Variants in HNF1B observed in about 807,000 individuals in gnomAD.
HNF1B encodes the protein HNF1 homeobox B.
Under a neutral mutation model 61.7 loss-of-function variants are expected in HNF1B, and 8 were observed. That is an observed-to-expected ratio of 0.13 (90% CI 0.08 to 0.23). HNF1B has a LOEUF of 0.23. HNF1B is among the 10% of genes least tolerant of loss of function. The probability of loss-of-function intolerance (pLI) is 1.00; values close to 1 mark genes in which losing one functional copy is unlikely to be tolerated. For synonymous variants in HNF1B, 314 were observed against 287.7 expected, an observed-to-expected ratio of 1.09 and a Z score of -0.93; for missense variants, 562 against 714.5, an observed-to-expected ratio of 0.79 and a Z score of 2.43.
rs773961869 is a variant in HNF1B at position 37,733,644 on chromosome 17, G to A, written c.722C>T (p.Ala241Val). 8 of 1,613,984 alleles carry A rather than the reference G, an allele frequency of 5.0e-6. No homozygotes were observed. The highest frequency in any genetic ancestry group is 3.3e-5 in the Admixed American group (2 of 59,992). The change falls in exon 3 of 9, where the codon GCG becomes GTG. Residue 241 changes from alanine to valine, a missense_variant. Transcript: ENST00000617811. ...GGCCTGGTACAAGATTTGCTGGGAC[G>A]CGGGCCCCCATTTGAACCGGTTGCG... ...MRRNRFKWGP[A>V]SQQILYQAYD... is the part of the protein sequence containing the mutation.
Position 37,733,727 on chromosome 17 carries a change from G to A in HNF1B, c.639C>T (p.Ser213=), listed in dbSNP as rs1322081325. ...LFLFPEFSQQ[S]HGPGQSDDAC... is the part of the protein sequence containing the mutation. ...CATCATCGGACTGCCCAGGCCCATGGCTCTGTTGACTGAACTCTGGAAAGA... is the reference window on the plus strand; with the variant it reads ...CATCATCGGACTGCCCAGGCCCATGACTCTGTTGACTGAACTCTGGAAAGA... Residue 213 remains serine (S), a synonymous_variant, in exon 3 of 9, where the codon AGC becomes AGT. Coordinates refer to ENST00000617811, the MANE Select transcript of HNF1B (RefSeq NM_000458.4). 1 of 1,614,192 alleles carries A rather than the reference G, an allele frequency of 6.2e-7. No individual in the cohort carries two copies. The highest frequency in any genetic ancestry group is 1.7e-5 in the Admixed American group (1 of 60,024).
intron 3 of HNF1B, among the ~76,000 whole-genome samples, chr17:37,732,433 C>T (rs2033715530): frequency 6.6e-6 from 1 of 152,308 alleles, no homozygotes; most frequent in Admixed American, 6.5e-5. Flanking sequence ...TGCTGCAAGG[C>T]ATCTCATTAG....
intron 4 of HNF1B, chr17:37,720,916 G>C: frequency 1.0e-6 from 1 of 985,350 alleles, no homozygotes; most frequent in Non-Finnish European, 1.2e-6. Context: ...AAGAACGGCC[G>C]CTCATTTCTG....
chr17:37,721,647 A>T (rs1328927839), intron 4 of HNF1B, among the ~76,000 whole-genome samples: 1 of 150,648 alleles, frequency 6.6e-6, no homozygotes, highest in African/African-American at 2.4e-5. Context: ...ATTACCTTCA[A>T]CCCCTTCAGA....
At chr17:37,741,693 C>T (rs954137412) in intron 1 of HNF1B, among the ~76,000 whole-genome samples, 5 of 152,184 alleles carry the variant, frequency 3.3e-5, no homozygotes, top group Non-Finnish European at 5.9e-5. Flanking sequence ...ATTGCTTTAG[C>T]AAATTCTTCG....
intron 8 of HNF1B, among the ~76,000 whole-genome samples, chr17:37,696,385 T>G (rs1015993924): frequency 8.5e-5 from 13 of 152,114 alleles, no homozygotes; most frequent in Admixed American, 5.2e-4. Context: ...TGCAGTGAGC[T>G]GTGATTGCGC....
At chr17:37,698,739 C>T (rs1209809833) in intron 8 of HNF1B, among the ~76,000 whole-genome samples, 2 of 152,132 alleles carry the variant, frequency 1.3e-5, no homozygotes, top group Admixed American at 1.3e-4. Flanking sequence ...CCTGAGCCCT[C>T]CTTGGAAATA....
At chr17:37,716,596 G>C (rs1356447452) in intron 4 of HNF1B, among the ~76,000 whole-genome samples, 1 of 152,184 alleles carries the variant, frequency 6.6e-6, no homozygotes, top group Non-Finnish European at 1.5e-5. Context: ...GCATATGTCA[G>C]GTTATATAGA....
At chr17:37,742,228 A>G (rs552590250) in intron 1 of HNF1B, among the ~76,000 whole-genome samples, 3 of 152,318 alleles carry the variant, frequency 2.0e-5, no homozygotes, top group East Asian at 3.9e-4. Context: ...AAGGAGCCCA[A>G]CTTCGGCTTC....
Position 37,710,610 on chromosome 17 carries a change from T to G in HNF1B, c.1099A>C (p.Ser367Arg). 1 of 1,614,038 alleles carries G rather than the reference T, an allele frequency of 6.2e-7. No individual in the cohort carries two copies. Among genetic ancestry groups the G allele is most frequent in the Non-Finnish European group, 8.5e-7 (1 of 1,179,998 alleles). ...ACCATGGCGCTGTTGCCATGGTGAC[T>G]GATTGTTGAGGAGGAAGTGATCTCA... ...NNEITSSSTI[S>R]HHGNSAMVTS... Residue 367 changes from serine to arginine, a missense_variant, in exon 5 of 9, where the codon AGT (serine) becomes CGT (arginine). Coordinates refer to ENST00000617811, the MANE Select transcript of HNF1B (RefSeq NM_000458.4).
intron 4 of HNF1B, among the ~76,000 whole-genome samples, chr17:37,727,370 G>A (rs2033534554): frequency 6.6e-6 from 1 of 152,168 alleles, no homozygotes; most frequent in South Asian, 2.1e-4. Context: ...ATAAATGGCT[G>A]CCTGCAGCCT....
At chr17:37,715,853 C>G (rs553603586) in intron 4 of HNF1B, among the ~76,000 whole-genome samples, 1 of 152,094 alleles carries the variant, frequency 6.6e-6, no homozygotes, top group Non-Finnish European at 1.5e-5. Flanking sequence ...ATGTGTTGGC[C>G]GGGCACGGTG....
intron 4 of HNF1B, among the ~76,000 whole-genome samples, chr17:37,723,443 T>C (rs1253304444): frequency 6.6e-6 from 1 of 152,182 alleles, no homozygotes; most frequent in Non-Finnish European, 1.5e-5. Context: ...GAACCTGACC[T>C]CCTGCTACAT....
chr17:37,693,189 C>CAA (rs11464180), intron 8 of HNF1B, among the ~76,000 whole-genome samples: 989 of 44,912 alleles, frequency 0.022, no homozygotes, highest in Non-Finnish European at 0.028. Flanking sequence ...GATTCCATCT[C>CAA]AAAAAAAAAA....
At chr17:37,736,128 T>C (rs1022754023) in intron 2 of HNF1B, among the ~76,000 whole-genome samples, 1 of 152,186 alleles carries the variant, frequency 6.6e-6, no homozygotes, top group African/African-American at 2.4e-5. Context: ...AGCAGCTCTC[T>C]AAATGCAGTT....
At chr17:37,733,891 C>CAG (rs1274442533) in intron 2 of HNF1B, 70 bp from the exon 3 acceptor site, 1 of 1,556,886 alleles carries the variant, frequency 6.4e-7, no homozygotes. Flanking sequence ...GACAGACAGA[C>CAG]AGACAACGGA....
chr17:37,741,956 C>G lies in HNF1B; in HGVS notation c.345-2317G>C, dbSNP rs78467753. 7.5e-4 allele frequency among the ~76,000 whole-genome samples: 115 copies of G among 152,336 alleles called. No homozygotes were observed. In the East Asian group the frequency reaches 9.4e-3, roughly 13 times the overall value. Reference sequence around the variant, plus strand: ...CACAACCCTCTGACCCCAAAATTCACGTGTGTTCACCGGGAAGAGCCGGGA... The same window carrying G: ...CACAACCCTCTGACCCCAAAATTCAGGTGTGTTCACCGGGAAGAGCCGGGA... On this transcript the variant is annotated intron_variant, in intron 1 of 8. Transcript: ENST00000617811.
intron 8 of HNF1B, among the ~76,000 whole-genome samples, chr17:37,693,060 T>G (rs917748781): frequency 6.6e-6 from 1 of 151,760 alleles, no homozygotes; most frequent in East Asian, 1.9e-4. Context: ...TGTGGTGGCC[T>G]GTGCCTGTAG....
At chr17:37,721,018 G>GTT in intron 4 of HNF1B, 5 of 896,002 alleles carry the variant, frequency 5.6e-6, no homozygotes, top group Non-Finnish European at 6.7e-6. Flanking sequence ...TTGTTTAAGG[G>GTT]TTTTCCACTC....
Sources: gnomAD v4.1 joint callset for allele counts (sites outside exome capture counted in the v4.1 genomes callset) on GRCh38, gnomAD v4.1.1 for gene constraint, MANE v1.5 for transcripts, NCBI Gene and HGNC (gene_info 2026-07-23, HGNC 2026-07-21) for gene names.